TOX: variants seen among roughly 807,000 people sequenced by gnomAD.
TOX encodes the protein thymocyte selection associated high mobility group box, also known as thymocyte selection-associated high mobility group box protein TOX.
A neutral mutation model predicts 53.7 loss-of-function variants in TOX; 11 were observed. The ratio of observed to expected loss-of-function variants is 0.20; its 90% CI spans 0.13 to 0.34. The LOEUF (loss-of-function observed/expected upper bound fraction) is 0.34. TOX is among the 10% of genes least tolerant of loss of function. TOX has a pLI of 1.00. For missense variants in TOX, 570 were observed against 664.6 expected (o/e 0.86, Z 1.56); for synonymous variants, 225 against 245.3 (o/e 0.92, Z 0.77).
At chr8:59,064,426 T>C (rs1414381290) in intron 1 of TOX, among the ~76,000 whole-genome samples, 1 of 152,254 alleles carries the variant, frequency 6.6e-6, no homozygotes, top group Admixed American at 6.5e-5. Flanking sequence ...TTAAAATGTT[T>C]GCATTGTCTT....
intron 3 of TOX, among the ~76,000 whole-genome samples, chr8:58,906,790 G>C (rs1811822901): frequency 6.6e-6 from 1 of 152,116 alleles, no homozygotes; most frequent in Admixed American, 6.6e-5. Flanking sequence ...GCATTAGCCA[G>C]GCTTGTTTGC....
At chr8:59,018,597 T>C (rs1220688521) in intron 1 of TOX, among the ~76,000 whole-genome samples, 1 of 152,132 alleles carries the variant, frequency 6.6e-6, no homozygotes, top group Non-Finnish European at 1.5e-5. Context: ...TCTAAATCCA[T>C]ATACCCCACG....
Position 59,119,082 on chromosome 8 carries a change from G to A in TOX, c.-95C>T. The stretch of plus-strand genomic sequence containing the variant: ...TAGACGGAACAGAGTGAGGTGTCTG[G>A]GCTCAGGAGTAAAAGAAACACCTTC... On this transcript the variant is annotated 5_prime_UTR_variant, in exon 1 of 9. Coordinates refer to ENST00000361421, the MANE Select transcript of TOX (RefSeq NM_014729.3). The A allele has an allele frequency of 1.3e-6, 1 of 763,816 alleles. No homozygotes were observed. The highest frequency in any genetic ancestry group is 1.6e-5 in the South Asian group (1 of 62,656). The allele number at this position is 763,816 out of a possible 1,614,324, so 47.3% of individuals were successfully genotyped here.
intron 1 of TOX, among the ~76,000 whole-genome samples, chr8:59,104,135 C>T (rs1478485204): frequency 2.6e-5 from 4 of 152,196 alleles, no homozygotes; most frequent in African/African-American, 9.7e-5. Flanking sequence ...CTCTCTGGCA[C>T]ATTGTTACTA....
chr8:59,075,657 T>A (rs552084608), intron 1 of TOX, among the ~76,000 whole-genome samples: 1 of 152,270 alleles, frequency 6.6e-6, no homozygotes, highest in African/African-American at 2.4e-5. Flanking sequence ...TTTCCTCCCC[T>A]ACATCTGTAA....
chr8:58,950,671 G>A (rs1432161608), intron 2 of TOX, among the ~76,000 whole-genome samples: 1 of 152,168 alleles, frequency 6.6e-6, no homozygotes, highest in Non-Finnish European at 1.5e-5. Context: ...CCCCAGAAGT[G>A]GGATTTCTAG....
intron 2 of TOX, among the ~76,000 whole-genome samples, chr8:58,941,703 A>G (rs565508992): frequency 3.9e-5 from 6 of 152,282 alleles, no homozygotes; most frequent in Non-Finnish European, 8.8e-5. Flanking sequence ...GTCTGTCAAC[A>G]CTGCAAATGC....
intron 1 of TOX, among the ~76,000 whole-genome samples, chr8:59,056,016 T>C (rs1414620376): frequency 2.0e-5 from 3 of 152,204 alleles, no homozygotes; most frequent in Non-Finnish European, 2.9e-5. Context: ...AGACTGCTCA[T>C]AAACATTTCT....
At chr8:59,005,003 G>T (rs191028788) in intron 1 of TOX, among the ~76,000 whole-genome samples, 2 of 151,664 alleles carry the variant, frequency 1.3e-5, no homozygotes, top group African/African-American at 2.4e-5. Flanking sequence ...AATATATTCA[G>T]AAATTTATTT....
chr8:58,808,673 AG>A (rs973625172), intron 7 of TOX, among the ~76,000 whole-genome samples: 2 of 152,222 alleles, frequency 1.3e-5, no homozygotes, highest in Non-Finnish European at 2.9e-5. Context: ...TCTTTTTTGA[AG>A]GATTCAGGCA....
intron 1 of TOX, among the ~76,000 whole-genome samples, chr8:59,106,168 C>G (rs1048204983): frequency 6.6e-6 from 1 of 152,096 alleles, no homozygotes; most frequent in Non-Finnish European, 1.5e-5. Flanking sequence ...AACCTTCCAC[C>G]TCTCAGAAAT....
chr8:59,088,508 A>G (rs1804552358), intron 1 of TOX, among the ~76,000 whole-genome samples: 1 of 152,204 alleles, frequency 6.6e-6, no homozygotes, highest in Non-Finnish European at 1.5e-5. Flanking sequence ...CATTTTGGGT[A>G]CAGAATTCAA....
At chr8:58,978,876 T>A (rs1334168209) in intron 1 of TOX, among the ~76,000 whole-genome samples, 1 of 152,244 alleles carries the variant, frequency 6.6e-6, no homozygotes, top group African/African-American at 2.4e-5. Flanking sequence ...TTGTGGTTTT[T>A]AATTTTTTAA....
At chr8:58,993,702 C>T (rs971266792) in intron 1 of TOX, among the ~76,000 whole-genome samples, 1 of 152,044 alleles carries the variant, frequency 6.6e-6, no homozygotes, top group Non-Finnish European at 1.5e-5. Flanking sequence ...AGATCAAGGG[C>T]AGGGAGGGAG....
At chr8:59,109,220 C>A (rs10504285) in intron 1 of TOX, among the ~76,000 whole-genome samples, 1 of 151,964 alleles carries the variant, frequency 6.6e-6, no homozygotes, top group East Asian at 1.9e-4. Context: ...TTGGTACACA[C>A]CTACTTAATT....
rs368071966 is a variant in TOX, at chr8:59,091,439, T to G, written c.102+27447A>C. On this transcript the variant is annotated intron_variant, in intron 1 of 8. Coordinates refer to ENST00000361421, the MANE Select transcript of TOX (RefSeq NM_014729.3). ...TTCTTTTCAGGGGTCTCTTCCTCTATTCACCCCTTAAAACTTGGGTTATCT... is the reference window on the plus strand; with the variant it reads ...TTCTTTTCAGGGGTCTCTTCCTCTAGTCACCCCTTAAAACTTGGGTTATCT... 2.6e-5 allele frequency among the ~76,000 whole-genome samples: 4 copies of G among 152,200 alleles called. No individual in the cohort carries two copies. The South Asian group carries it at 8.3e-4, about 32-fold the overall frequency.
intron 1 of TOX, among the ~76,000 whole-genome samples, chr8:59,039,605 C>T (rs77038374): frequency 3.9e-5 from 6 of 152,270 alleles, no homozygotes; most frequent in African/African-American, 1.2e-4. Flanking sequence ...ATTATCCTTC[C>T]GACAGGATAA....
At chr8:58,928,453 G>A (rs952766356) in intron 3 of TOX, among the ~76,000 whole-genome samples, 19 of 152,326 alleles carry the variant, frequency 1.2e-4, no homozygotes, top group Admixed American at 4.6e-4. Context: ...TAATACTAAA[G>A]ACAATGGGAT....
At chr8:58,831,254 A>T (rs1253989242) in intron 5 of TOX, among the ~76,000 whole-genome samples, 3 of 152,140 alleles carry the variant, frequency 2.0e-5, no homozygotes, top group Non-Finnish European at 2.9e-5. Context: ...ATATCTGTTG[A>T]TTTATTAAAT....
Sources: gnomAD v4.1 joint callset for allele counts (sites outside exome capture counted in the v4.1 genomes callset) on GRCh38, gnomAD v4.1.1 for gene constraint, MANE v1.5 for transcripts, NCBI Gene and HGNC (gene_info 2026-07-23, HGNC 2026-07-21) for gene names.